Variants in DDX55 observed in about 807,000 individuals in gnomAD.
DDX55 encodes the protein DEAD-box helicase 55.
In DDX55, 56 loss-of-function variants were observed where a neutral mutation model predicts 69.2. That is an observed-to-expected ratio of 0.81 (90% CI 0.65 to 1.01). The LOEUF (loss-of-function observed/expected upper bound fraction) is 1.01, where lower values mean the gene tolerates loss of function less well. Among genes scored for constraint, DDX55 ranks in the 50% least tolerant of loss-of-function variants. The pLI, the probability that DDX55 is intolerant of heterozygous loss-of-function variation, is 0.00. For missense variants in DDX55, 720 were observed against 745.1 expected (o/e 0.97, Z 0.39); for synonymous variants, 268 against 273.1 (o/e 0.98, Z 0.18).
chr12:123,602,987 G>GA (rs963976071), intron 1 of DDX55, among the ~76,000 whole-genome samples: 8 of 152,324 alleles, frequency 5.3e-5, no homozygotes, highest in African/African-American at 1.9e-4. Flanking sequence ...CCACTGGAGA[G>GA]AAATACCAGT....
At chr12:123,616,046 A>G (rs904068227) in intron 9 of DDX55, among the ~76,000 whole-genome samples, 2 of 152,220 alleles carry the variant, frequency 1.3e-5, no homozygotes, top group African/African-American at 4.8e-5. Flanking sequence ...GCTTGTGACT[A>G]TACAGCAGGC....
In DDX55 at chr12:123,616,069, C is replaced by T. The variant is rs559925246; in HGVS notation, c.957-442C>T. On this transcript the variant is annotated intron_variant, in intron 9 of 13. Transcript: ENST00000238146. ...CTATACAGCAGGCAACTTGTGTCTA[C>T]CAATGACCATAACTTGTATCTGCTT... Among the ~76,000 whole-genome samples the T allele has an allele frequency of 9.2e-5, 14 of 152,298 alleles. 1 individual carries two copies. The East Asian group carries it at 2.7e-3, about 29-fold the overall frequency.
intron 5 of DDX55, chr12:123,608,266 G>A (rs1954008631): frequency 8.6e-6 from 1 of 116,040 alleles, no homozygotes; most frequent in Admixed American, 6.7e-5. Flanking sequence ...AGGTTGGTAA[G>A]CTTTTTTTTT....
At chr12:123,617,651 C>A in intron 10 of DDX55, 107 bp from the exon 11 acceptor site, 2 of 955,426 alleles carry the variant, frequency 2.1e-6, no homozygotes, top group African/African-American at 1.7e-5. Flanking sequence ...GCTGTGGAGG[C>A]TAGAGGCTCC....
At position 123,610,142 on chromosome 12, in the gene DDX55, C is replaced by T. The variant is rs560000098; in HGVS notation, c.741+14C>T. On this transcript the variant is annotated intron_variant, in intron 7 of 13. Transcript: ENST00000238146. Reference sequence around the variant, plus strand: ...AACTACTACATGGTAAGCGCCTGGGCTTGCTTCTTACTCAGCGATAATGAC... The same window carrying T: ...AACTACTACATGGTAAGCGCCTGGGTTTGCTTCTTACTCAGCGATAATGAC... The T allele has an allele frequency of 1.2e-6, 2 of 1,607,838 alleles. No individual in the cohort carries two copies. The highest frequency in any genetic ancestry group is 1.7e-6 in the Non-Finnish European group (2 of 1,177,848).
rs1468812352 is a variant in DDX55 at position 123,618,571 on chromosome 12, G to A, written c.1165-98G>A. 3 of 1,553,360 alleles carry A rather than the reference G, an allele frequency of 1.9e-6. No homozygotes were observed. In the African/African-American group the frequency reaches 4.1e-5, roughly 21 times the overall value. On this transcript the variant is annotated intron_variant, in intron 11 of 13. Coordinates refer to ENST00000238146, the MANE Select transcript of DDX55 (RefSeq NM_020936.3). ...GCTTCAGACCTCAACAGTTGAAAAG[G>A]AATTGTTTCGCTTTTGTTTTTCTTG...
intron 10 of DDX55, among the ~76,000 whole-genome samples, chr12:123,617,178 A>G (rs2135739423): frequency 6.6e-6 from 1 of 152,362 alleles, no homozygotes. Context: ...TAGCAAAAAT[A>G]GGCAAATGGA....
intron 7 of DDX55, among the ~76,000 whole-genome samples, chr12:123,612,542 A>G (rs1183683410): frequency 6.6e-6 from 1 of 152,202 alleles, no homozygotes; most frequent in East Asian, 1.9e-4. Flanking sequence ...TCTGGAAATC[A>G]GTATTCACCT....
At chr12:123,609,862 C>A in intron 6 of DDX55, 77 bp from the exon 7 acceptor site, 1 of 1,487,566 alleles carries the variant, frequency 6.7e-7, no homozygotes, top group African/African-American at 1.4e-5. Flanking sequence ...TTTTGAATAC[C>A]TGTTTAGTAT....
rs151012201 is a variant in DDX55 at position 123,618,728 on chromosome 12, G to C, written c.1224G>C (p.Lys408Asn). The stretch of plus-strand genomic sequence containing the variant: ...CAGCGGACCTTCTGCCAAAACTCAA[G>C]TCCATGGCCCTGGCTGACAGAGCTG... ...RNTADLLPKL[K>N]SMALADRAVF... Residue 408 changes from lysine (K) to asparagine (N), a missense_variant, in exon 12 of 14, where the codon AAG (lysine) becomes AAC (asparagine). Lys to Asn is a moderately conservative substitution (Grantham distance 94, BLOSUM62 0). Transcript: ENST00000238146. 4.3e-6 allele frequency: 7 copies of C among 1,614,068 alleles called. No homozygotes were observed. The highest frequency in any genetic ancestry group is 1.3e-5 in the African/African-American group (1 of 74,924).
At chr12:123,615,554 G>A (rs1954593821) in intron 9 of DDX55, among the ~76,000 whole-genome samples, 1 of 152,196 alleles carries the variant, frequency 6.6e-6, no homozygotes, top group South Asian at 2.1e-4. Context: ...TTCTGTGCTA[G>A]ACAGCAGGCT....
In DDX55 at chr12:123,608,839, T is replaced by A. The variant is rs1954040494; in HGVS notation, c.551+10T>A. On this transcript the variant is annotated intron_variant, in intron 6 of 13. Coordinates refer to ENST00000238146, the MANE Select transcript of DDX55 (RefSeq NM_020936.3). ...TGGGGTTTGAGGCAAGGTACTGGAC[T>A]TTGGACTTCACTGGCTTGAGTGGGC... 4.4e-6 allele frequency: 7 copies of A among 1,606,398 alleles called. No homozygotes were observed. In the East Asian group the frequency reaches 1.6e-4, roughly 36 times the overall value.
In DDX55 at chr12:123,620,187, T is replaced by C; in HGVS notation, c.*47T>C. ...CACAAGGACATAGCTGTTCCCTAACTTGGTGGATGGCTCCAGTTTGCTTTT... is the reference window on the plus strand; with the variant it reads ...CACAAGGACATAGCTGTTCCCTAACCTGGTGGATGGCTCCAGTTTGCTTTT... On this transcript the variant is annotated 3_prime_UTR_variant, in exon 14 of 14. Transcript: ENST00000238146. The C allele has an allele frequency of 6.5e-7, 1 of 1,546,636 alleles. No individual in the cohort carries two copies. The highest frequency in any genetic ancestry group is 8.8e-7 in the Non-Finnish European group (1 of 1,142,392).
intron 12 of DDX55, among the ~76,000 whole-genome samples, chr12:123,619,056 G>A (rs565265701): frequency 3.3e-5 from 5 of 152,346 alleles, no homozygotes; most frequent in Admixed American, 6.5e-5. Context: ...AGCCTGGAGC[G>A]CAGTGGCGCG....
chr12:123,615,476 C>A (rs1954586664), intron 9 of DDX55, among the ~76,000 whole-genome samples, 160 bp downstream of exon 9: 1 of 152,180 alleles, frequency 6.6e-6, no homozygotes, highest in South Asian at 2.1e-4. Flanking sequence ...TCTGTAAACA[C>A]CCCGAGCCTC....
At chr12:123,603,762 G>A (rs1261842382) in intron 1 of DDX55, among the ~76,000 whole-genome samples, 4 of 151,944 alleles carry the variant, frequency 2.6e-5, no homozygotes, top group African/African-American at 9.7e-5. Context: ...AGGTTTCAGA[G>A]GGAAAGTCAA....
At chr12:123,616,856 C>T in intron 10 of DDX55, 1 of 449,742 alleles carries the variant, frequency 2.2e-6, no homozygotes, top group Non-Finnish European at 4.1e-6. Flanking sequence ...AAACAAAAAA[C>T]AACAACATTA....
intron 13 of DDX55, 78 bp downstream of exon 13, chr12:123,619,802 T>C: frequency 6.6e-7 from 1 of 1,519,740 alleles, no homozygotes; most frequent in Non-Finnish European, 8.7e-7. Context: ...AGGAATTGTG[T>C]GGGGCTGTCA....
chr12:123,605,791 A>G (rs1050399180), intron 1 of DDX55, 140 bp from the exon 2 acceptor site: 2 of 1,117,306 alleles, frequency 1.8e-6, no homozygotes, highest in Non-Finnish European at 2.7e-6. Context: ...CAACTTCTCT[A>G]TGGTGACTTG....
Sources: allele counts gnomAD v4.1 joint callset (sites outside exome capture counted in the v4.1 genomes callset), GRCh38; gene constraint gnomAD v4.1.1; transcripts MANE v1.5; gene names NCBI Gene and HGNC (gene_info 2026-07-23, HGNC 2026-07-21).